The following ZNF407 variants were observed in gnomAD, a reference collection of about 807,000 sequenced individuals.
ZNF407 encodes zinc finger protein 407.
In ZNF407, 17 loss-of-function variants were observed where a neutral mutation model predicts 131.2. The ratio of observed to expected loss-of-function variants is 0.13; its 90% CI spans 0.09 to 0.19. ZNF407 has a LOEUF of 0.19. ZNF407 is among the 10% of genes least tolerant of loss of function. ZNF407 has a pLI of 1.00. For missense variants in ZNF407, 2,681 were observed against 2,830.6 expected, an observed-to-expected ratio of 0.95 and a Z score of 1.20; for synonymous variants, 1,156 against 1,062.0, an observed-to-expected ratio of 1.09 and a Z score of -1.72.
chr18:74,884,415 A>G (rs1971279975), intron 6 of ZNF407, among the ~76,000 whole-genome samples: 1 of 152,226 alleles, frequency 6.6e-6, no homozygotes, highest in Non-Finnish European at 1.5e-5. Flanking sequence ...CAAATTGACT[A>G]TTATATACAG....
At chr18:74,755,885 C>CTTTTTTTTTTTTTTTTTTTTTTT (rs34750560) in intron 3 of ZNF407, among the ~76,000 whole-genome samples, 1 of 25,822 alleles carries the variant, frequency 3.9e-5, no homozygotes, top group Non-Finnish European at 6.0e-5. Context: ...CTTTTCCTTC[C>CTTTTTTTTTTTTTTTTTTTTTTT]TTTTTTTTTT....
chr18:74,668,138 C>G (rs1217800281), intron 3 of ZNF407, among the ~76,000 whole-genome samples: 3 of 152,134 alleles, frequency 2.0e-5, no homozygotes, highest in African/African-American at 7.2e-5. Flanking sequence ...TATGACACCA[C>G]CCGGGGAACA....
At chr18:74,673,459 C>A (rs1178912272) in intron 3 of ZNF407, among the ~76,000 whole-genome samples, 1 of 152,194 alleles carries the variant, frequency 6.6e-6, no homozygotes, top group African/African-American at 2.4e-5. Flanking sequence ...CATAAGGACC[C>A]TTGTGATTAC....
At chr18:74,967,682 CA>C (rs1176073070) in intron 8 of ZNF407, among the ~76,000 whole-genome samples, 1 of 152,184 alleles carries the variant, frequency 6.6e-6, no homozygotes, top group South Asian at 2.1e-4. Context: ...ACTCAATCAG[CA>C]AGTCAAGGAA....
chr18:74,888,955 T>C (rs2145194626), intron 6 of ZNF407, among the ~76,000 whole-genome samples: 1 of 152,340 alleles, frequency 6.6e-6, no homozygotes, highest in East Asian at 1.9e-4. Context: ...CATAACTTGT[T>C]GGTCAACAAC....
intron 1 of ZNF407, among the ~76,000 whole-genome samples, chr18:74,610,078 T>C (rs548578677): frequency 1.3e-5 from 2 of 152,344 alleles, no homozygotes; most frequent in South Asian, 4.1e-4. Context: ...TGTAAGCTTC[T>C]TGGAGGCAGG....
At chr18:74,891,119 T>C (rs922282268) in intron 7 of ZNF407, among the ~76,000 whole-genome samples, 3 of 152,194 alleles carry the variant, frequency 2.0e-5, no homozygotes, top group Non-Finnish European at 2.9e-5. Context: ...AGAGGCGTAG[T>C]GGAAGATCAG....
intron 3 of ZNF407, among the ~76,000 whole-genome samples, chr18:74,694,630 G>C (rs1967309133): frequency 6.6e-6 from 1 of 152,226 alleles, no homozygotes; most frequent in East Asian, 1.9e-4. Context: ...GATACACTGT[G>C]CTCTGGCATG....
intron 8 of ZNF407, among the ~76,000 whole-genome samples, chr18:75,042,058 C>CTTTT (rs74265948): frequency 3.5e-5 from 5 of 141,564 alleles, no homozygotes; most frequent in African/African-American, 1.0e-4. Context: ...CATTTCTTTC[C>CTTTT]TTTTTTTTTT....
At chr18:74,854,180 A>C (rs1970827797) in intron 4 of ZNF407, among the ~76,000 whole-genome samples, 1 of 152,152 alleles carries the variant, frequency 6.6e-6, no homozygotes, top group African/African-American at 2.4e-5. Flanking sequence ...TTTATGACTA[A>C]AAGAGTCCTA....
chr18:74,805,630 T>C (rs1006735577), intron 4 of ZNF407, among the ~76,000 whole-genome samples: 12 of 152,122 alleles, frequency 7.9e-5, no homozygotes, highest in Admixed American at 6.5e-4. Flanking sequence ...TACTTTGGAG[T>C]AGAGACCTGA....
At chr18:74,741,093 G>A (rs1434412985) in intron 3 of ZNF407, among the ~76,000 whole-genome samples, 1 of 152,168 alleles carries the variant, frequency 6.6e-6, no homozygotes, top group Non-Finnish European at 1.5e-5. Context: ...AAGAGTGATT[G>A]TGACATATAA....
At position 74,634,807 on chromosome 18, in the gene ZNF407, C is replaced by G; in HGVS notation, c.3788C>G (p.Pro1263Arg). Residue 1263 changes from proline (P) to arginine (R), a missense_variant, in exon 2 of 9, where the codon CCT (proline) becomes CGT (arginine). By Grantham distance (103) the Pro-to-Arg change is moderately radical. This residue lies in a region of ZNF407 where 1,789 missense variants were observed against 1,748.7 expected (regional missense o/e 1.02). Transcript: ENST00000299687. ...GATGGGGAGCGCTCGGCTGAAAGCC[C>G]TGTGCTCGTTGTGACAAGAATAACC... Reference protein sequence around the residue: ...TLDGERSAESPVLVVTRITRE... With the variant: ...TLDGERSAESRVLVVTRITRE... The G allele has an allele frequency of 6.2e-7, 1 of 1,613,978 alleles. No homozygotes were observed. The highest frequency in any genetic ancestry group is 1.3e-5 in the African/African-American group (1 of 75,058).
chr18:74,917,568 G>A (rs1971790318), intron 7 of ZNF407, among the ~76,000 whole-genome samples: 1 of 151,886 alleles, frequency 6.6e-6, no homozygotes, highest in Admixed American at 6.6e-5. Flanking sequence ...ACCTATTTCA[G>A]TAATAGTCCC....
Position 74,692,753 on chromosome 18 carries a change from T to C in ZNF407, c.4802+51631T>C, listed in dbSNP as rs141093354. 3.4e-4 allele frequency among the ~76,000 whole-genome samples: 52 copies of C among 152,238 alleles called. No individual in the cohort carries two copies. The South Asian group carries it at 6.4e-3, about 19-fold the overall frequency. On this transcript the variant is annotated intron_variant, in intron 3 of 8. Coordinates refer to ENST00000299687, the MANE Select transcript of ZNF407 (RefSeq NM_017757.3). ...TCTCAAAGATGTAGTGGAACTGCCTTGTGTTCTGGAGCTGAGAGGCCTTCT... is the reference window on the plus strand; with the variant it reads ...TCTCAAAGATGTAGTGGAACTGCCTCGTGTTCTGGAGCTGAGAGGCCTTCT...
chr18:74,863,710 T>TAAATA (rs1970970061), intron 4 of ZNF407, among the ~76,000 whole-genome samples: 1 of 152,196 alleles, frequency 6.6e-6, no homozygotes, highest in African/African-American at 2.4e-5. Flanking sequence ...AACTCTATTA[T>TAAATA]GTTTTTCTAT....
chr18:74,699,984 C>T, intron 3 of ZNF407, among the ~76,000 whole-genome samples: 1 of 152,100 alleles, frequency 6.6e-6, no homozygotes, highest in East Asian at 1.9e-4. Flanking sequence ...TTGCCCTTGA[C>T]ATTTACAATA....
intron 3 of ZNF407, among the ~76,000 whole-genome samples, chr18:74,710,012 ATGTC>A (rs1967719972): frequency 6.6e-6 from 1 of 152,194 alleles, no homozygotes. Context: ...CCTGAAAAAA[ATGTC>A]TGTTTGTGAC....
At chr18:74,640,101 G>A (rs1211291176) in intron 2 of ZNF407, among the ~76,000 whole-genome samples, 2 of 152,030 alleles carry the variant, frequency 1.3e-5, no homozygotes, top group African/African-American at 4.8e-5. Context: ...TGATTTATTT[G>A]AAGATGTATT....
Sources: allele counts gnomAD v4.1 joint callset (sites outside exome capture counted in the v4.1 genomes callset), GRCh38; gene constraint gnomAD v4.1.1; regional missense constraint gnomAD v4.1.1; transcripts MANE v1.5; gene names NCBI Gene and HGNC (gene_info 2026-07-23, HGNC 2026-07-21).